The following TPX2 variants were observed in gnomAD, a reference collection of about 807,000 sequenced individuals.
The protein encoded by TPX2 is TPX2 microtubule nucleation factor.
Under a neutral mutation model 93.6 loss-of-function variants are expected in TPX2, and 21 were observed. The ratio of observed to expected loss-of-function variants is 0.22; its 90% CI spans 0.16 to 0.32. The LOEUF (loss-of-function observed/expected upper bound fraction) is 0.32, where lower values mean the gene tolerates loss of function less well. Among genes scored for constraint, TPX2 ranks in the 10% least tolerant of loss-of-function variants. The probability of loss-of-function intolerance (pLI) is 1.00; values close to 1 mark genes in which losing one functional copy is unlikely to be tolerated. For missense variants in TPX2, 776 were observed against 871.1 expected, an observed-to-expected ratio of 0.89 and a Z score of 1.37; for synonymous variants, 281 against 298.3, an observed-to-expected ratio of 0.94 and a Z score of 0.60.
intron 1 of TPX2, among the ~76,000 whole-genome samples, chr20:31,742,197 A>T (rs1220973168): frequency 1.4e-5 from 2 of 138,596 alleles, no homozygotes; most frequent in Non-Finnish European, 3.1e-5. Context: ...TTTTTTTGAG[A>T]CAGTCTCACT....
At chr20:31,783,252 A>G (rs1266133284) in intron 11 of TPX2, among the ~76,000 whole-genome samples, 1 of 150,856 alleles carries the variant, frequency 6.6e-6, no homozygotes, top group Non-Finnish European at 1.5e-5. Flanking sequence ...ATTATTTTTT[A>G]TTTATTTATT....
intron 2 of TPX2, among the ~76,000 whole-genome samples, chr20:31,745,973 C>T (rs1568919126): frequency 6.6e-6 from 1 of 152,054 alleles, no homozygotes; most frequent in Non-Finnish European, 1.5e-5. Flanking sequence ...AGTTTGTAAT[C>T]CTTAAAAAAG....
At chr20:31,789,490 A>G (rs772028650) in intron 12 of TPX2, among the ~76,000 whole-genome samples, 3 of 152,202 alleles carry the variant, frequency 2.0e-5, no homozygotes, top group Non-Finnish European at 2.9e-5. Flanking sequence ...TAACCAACAT[A>G]TGTTCATTGA....
intron 5 of TPX2, among the ~76,000 whole-genome samples, chr20:31,768,924 TGAG>T (rs964496262): frequency 8.5e-5 from 13 of 152,196 alleles, no homozygotes; most frequent in Non-Finnish European, 1.8e-4. Context: ...ATAGTTAAAA[TGAG>T]GAGATAACCC....
At chr20:31,767,284 A>C (rs1406304994) in intron 5 of TPX2, among the ~76,000 whole-genome samples, 1 of 152,214 alleles carries the variant, frequency 6.6e-6, no homozygotes, top group African/African-American at 2.4e-5. Flanking sequence ...ACTCTTATCA[A>C]TCTGTTTCCA....
chr20:31,770,049 C>T (rs1009339968), intron 5 of TPX2, among the ~76,000 whole-genome samples: 1 of 152,104 alleles, frequency 6.6e-6, no homozygotes, highest in Admixed American at 6.5e-5. Flanking sequence ...GTCCTCCTGC[C>T]GCAGCTTTCC....
At chr20:31,794,776 GTGTGTGTGTGTGTGTA>G (rs1415878121) in intron 15 of TPX2, among the ~76,000 whole-genome samples, 1 of 151,844 alleles carries the variant, frequency 6.6e-6, no homozygotes, top group Non-Finnish European at 1.5e-5. Context: ...GTGTGTGTGT[GTGTGTGTGTGTGTGTA>G]TGTGTGTGTG....
chr20:31,758,119 ATTTTTTTTT>A (rs35354345), intron 3 of TPX2, among the ~76,000 whole-genome samples: 1 of 115,272 alleles, frequency 8.7e-6, no homozygotes, highest in Non-Finnish European at 1.8e-5. Flanking sequence ...CCCTCAATTC[ATTTTTTTTT>A]TTTTTTTTTT....
chr20:31,770,567 T>C, intron 6 of TPX2, 96 bp downstream of exon 6: 1 of 1,164,774 alleles, frequency 8.6e-7, no homozygotes, highest in Non-Finnish European at 1.1e-6. Context: ...TTAGATTGAA[T>C]AGATTAAAAT....
At chr20:31,797,344 T>C in intron 15 of TPX2, 60 bp from the exon 16 acceptor site, 1 of 1,452,360 alleles carries the variant, frequency 6.9e-7, no homozygotes, top group Admixed American at 1.8e-5. Flanking sequence ...CTTAAGTTAT[T>C]GAGGTAGTGG....
chr20:31,782,418 A>G (rs1027401377), intron 11 of TPX2, 28 bp downstream of exon 11: 6 of 1,580,404 alleles, frequency 3.8e-6, no homozygotes, highest in Admixed American at 3.8e-5. Flanking sequence ...TATCTGAGGA[A>G]GAGTTCCACG....
chr20:31,744,287 C>A (rs979678201), intron 2 of TPX2, among the ~76,000 whole-genome samples: 1 of 151,086 alleles, frequency 6.6e-6, no homozygotes, highest in Non-Finnish European at 1.5e-5. Flanking sequence ...CTCAGCCTCC[C>A]GAGTAGCTGG....
At chr20:31,745,952 T>A (rs1186840191) in intron 2 of TPX2, among the ~76,000 whole-genome samples, 1 of 152,196 alleles carries the variant, frequency 6.6e-6, no homozygotes, top group East Asian at 1.9e-4. Context: ...GGATAAATTA[T>A]AGCAAAACTG....
At chr20:31,745,284 T>C (rs1409482907) in intron 2 of TPX2, among the ~76,000 whole-genome samples, 1 of 151,140 alleles carries the variant, frequency 6.6e-6, no homozygotes, top group Non-Finnish European at 1.5e-5. Flanking sequence ...AAAATCTTCC[T>C]CCAGCCTTGT....
At chr20:31,775,416 G>A (rs1304895570) in intron 7 of TPX2, among the ~76,000 whole-genome samples, 2 of 147,408 alleles carry the variant, frequency 1.4e-5, no homozygotes, top group Non-Finnish European at 3.0e-5. Context: ...TCGCTCTGTG[G>A]CCAGGCTGGA....
chr20:31,741,402 C>G (rs2061752332), intron 1 of TPX2, among the ~76,000 whole-genome samples: 1 of 151,826 alleles, frequency 6.6e-6, no homozygotes, highest in East Asian at 1.9e-4. Context: ...ACTTCTGCCT[C>G]CCCTGTTCAA....
chr20:31,744,964 G>A (rs1340942713), intron 2 of TPX2, among the ~76,000 whole-genome samples: 1 of 152,036 alleles, frequency 6.6e-6, no homozygotes, highest in Admixed American at 6.6e-5. Context: ...ACGGGTGCCT[G>A]TAATCCCACT....
intron 2 of TPX2, among the ~76,000 whole-genome samples, chr20:31,745,735 T>C (rs1342221447): frequency 6.6e-6 from 1 of 152,242 alleles, no homozygotes; most frequent in East Asian, 1.9e-4. Flanking sequence ...TTGACTAGGA[T>C]TGTAATCTGC....
At position 31,769,132 on chromosome 20, in the gene TPX2, C is replaced by G. The variant is rs779527778; in HGVS notation, c.357-1211C>G. Reference sequence around the variant, plus strand: ...ATACAAAATTTTTGGGTGCAGCACACCAGCATGGCACATGTATACATATGT... The same window carrying G: ...ATACAAAATTTTTGGGTGCAGCACAGCAGCATGGCACATGTATACATATGT... On this transcript the variant is annotated intron_variant, in intron 5 of 17. Transcript: ENST00000300403. 5.3e-4 allele frequency among the ~76,000 whole-genome samples: 81 copies of G among 151,868 alleles called. 1 individual carries two copies. The highest frequency in any genetic ancestry group is 5.9e-4 in the Non-Finnish European group (40 of 68,010).
Sources: gnomAD v4.1 joint callset for allele counts (sites outside exome capture counted in the v4.1 genomes callset) on GRCh38, gnomAD v4.1.1 for gene constraint, MANE v1.5 for transcripts, NCBI Gene and HGNC (gene_info 2026-07-23, HGNC 2026-07-21) for gene names.